The following LSM12 variants were observed in gnomAD, a reference collection of about 807,000 sequenced individuals.
LSM12 encodes the protein protein LSM12.
For missense variants in LSM12, 108 were observed against 238.9 expected, an observed-to-expected ratio of 0.45 and a Z score of 3.61; for synonymous variants, 74 against 87.3, an observed-to-expected ratio of 0.85 and a Z score of 0.85.
In LSM12 at chr17:44,041,588, G is replaced by C. The variant is rs2049495527; in HGVS notation, c.259-1332C>G. Among the ~76,000 whole-genome samples the C allele has an allele frequency of 2.0e-5, 3 of 152,266 alleles. No homozygotes were observed. The South Asian group carries it at 6.2e-4, about 32-fold the overall frequency. Reference sequence around the variant, plus strand: ...GTCCTGCTTTTGAGAAAAACGAAGAGTCTGAATTCTACGTCATGTCTGTTC... The same window carrying C: ...GTCCTGCTTTTGAGAAAAACGAAGACTCTGAATTCTACGTCATGTCTGTTC... On this transcript the variant is annotated intron_variant, in intron 2 of 4. Coordinates refer to ENST00000293406, the MANE Select transcript of LSM12 (RefSeq NM_001371445.1).
intron 1 of LSM12, among the ~76,000 whole-genome samples, chr17:44,065,904 C>T (rs1311083593): frequency 1.3e-5 from 2 of 152,040 alleles, no homozygotes; most frequent in Non-Finnish European, 2.9e-5. Context: ...AAACAAGCCA[C>T]TATCCCTAGC....
chr17:44,061,394 C>CAAA (rs1168266652), intron 2 of LSM12, among the ~76,000 whole-genome samples: 3 of 151,402 alleles, frequency 2.0e-5, no homozygotes, highest in Non-Finnish European at 4.4e-5. Flanking sequence ...AGAAGACACT[C>CAAA]AAAGAGCTCC....
chr17:44,037,965 C>T (rs1390987225), intron 3 of LSM12, among the ~76,000 whole-genome samples: 1 of 152,186 alleles, frequency 6.6e-6, no homozygotes, highest in Non-Finnish European at 1.5e-5. Context: ...ACAAAAGTAG[C>T]ATGGACAATA....
At chr17:44,048,002 G>C (rs1270152672) in intron 2 of LSM12, among the ~76,000 whole-genome samples, 1 of 142,532 alleles carries the variant, frequency 7.0e-6, no homozygotes, top group Non-Finnish European at 1.5e-5. Context: ...GGACAACATA[G>C]ACAGTGTCCG....
In LSM12 at chr17:44,066,620, C is replaced by T. The variant is rs1179572578; in HGVS notation, c.-33G>A. ...GTGCAGCCGCGGCCGGCGGCGGCGGCGGCAGCAGCGGGCGAAAGCCGGGCC... is the reference window on the plus strand; with the variant it reads ...GTGCAGCCGCGGCCGGCGGCGGCGGTGGCAGCAGCGGGCGAAAGCCGGGCC... On this transcript the variant is annotated 5_prime_UTR_variant, in exon 1 of 5. Transcript: ENST00000293406. The T allele has an allele frequency of 6.1e-6, 8 of 1,315,202 alleles. No individual in the cohort carries two copies. The highest frequency in any genetic ancestry group is 7.8e-6 in the Non-Finnish European group (8 of 1,028,874). The allele number at this position is 1,315,202 out of a possible 1,614,324, so 81.5% of individuals were successfully genotyped here.
At chr17:44,041,262 CTCTG>C (rs1285057007) in intron 2 of LSM12, among the ~76,000 whole-genome samples, 2 of 88,952 alleles carry the variant, frequency 2.2e-5, no homozygotes, top group Non-Finnish European at 4.6e-5. Context: ...AGAAGTGAGA[CTCTG>C]TCTCTTTAAA....
In LSM12 at chr17:44,037,452, T is replaced by C; in HGVS notation, c.455A>G (p.Lys152Arg). 6.2e-7 allele frequency: 1 copy of C among 1,610,980 alleles called. No individual in the cohort carries two copies. Among genetic ancestry groups the C allele is most frequent in the South Asian group, 1.1e-5 (1 of 90,390 alleles). The change falls in exon 4 of 5, where the codon AAA becomes AGA. Residue 152 changes from lysine to arginine, a missense_variant. Transcript: ENST00000293406. ...GCTCAGTGCACTCCCCTCTTTGCCT[T>C]TACAGTTTTCCACTTGATATGGGGG... Reference protein sequence around the residue: ...ITPPYQVENCKGKEGSALSHV... With the variant: ...ITPPYQVENCRGKEGSALSHV...
intron 2 of LSM12, among the ~76,000 whole-genome samples, chr17:44,063,128 C>T (rs1049962448): frequency 2.8e-4 from 43 of 152,032 alleles, no homozygotes; most frequent in African/African-American, 7.0e-4. Flanking sequence ...GGCATGGTGA[C>T]GCATGCATGT....
At chr17:44,057,142 TA>T in intron 2 of LSM12, among the ~76,000 whole-genome samples, 1 of 149,462 alleles carries the variant, frequency 6.7e-6, no homozygotes, top group East Asian at 2.1e-4. Context: ...GGCAACAGAG[TA>T]AGACTTTTTT....
intron 2 of LSM12, among the ~76,000 whole-genome samples, chr17:44,042,201 C>A (rs547828342): frequency 1.8e-4 from 27 of 151,802 alleles, no homozygotes; most frequent in Non-Finnish European, 1.5e-4. Flanking sequence ...ACAGGAGAAT[C>A]GCTTGAACAC....
chr17:44,042,789 G>A (rs1039344757), intron 2 of LSM12, among the ~76,000 whole-genome samples: 6 of 151,984 alleles, frequency 3.9e-5, no homozygotes, highest in African/African-American at 1.2e-4. Flanking sequence ...GGATGGTCTC[G>A]ATCTCCTGAC....
chr17:44,053,653 G>A (rs1257389064), intron 2 of LSM12, among the ~76,000 whole-genome samples: 4 of 152,096 alleles, frequency 2.6e-5, no homozygotes, highest in Non-Finnish European at 4.4e-5. Context: ...GTTCCCAGAG[G>A]TCACACATTC....
rs1174076095 is a variant in LSM12, at chr17:44,063,650, A to C, written c.258+151T>G. The C allele has an allele frequency of 4.3e-6, 4 of 939,048 alleles. No individual in the cohort carries two copies. In the African/African-American group the frequency reaches 6.7e-5, roughly 16 times the overall value. 58.2% of individuals were successfully genotyped at this position (939,048 alleles called of 1,614,324 possible). Reference sequence around the variant, plus strand: ...ATAACATCCAGGAATAAAGAGAAAAACTAAACCTACATTTTTTAAAAAGAT... The same window carrying C: ...ATAACATCCAGGAATAAAGAGAAAACCTAAACCTACATTTTTTAAAAAGAT... On this transcript the variant is annotated intron_variant, in intron 2 of 4. Transcript: ENST00000293406.
At chr17:44,051,870 G>C (rs1192794565) in intron 2 of LSM12, among the ~76,000 whole-genome samples, 1 of 152,044 alleles carries the variant, frequency 6.6e-6, no homozygotes, top group Non-Finnish European at 1.5e-5. Context: ...CATTTTGAGA[G>C]GCCGAGGCGG....
intron 2 of LSM12, among the ~76,000 whole-genome samples, chr17:44,046,744 TTTC>T (rs1347049103): frequency 7.2e-6 from 1 of 139,292 alleles, no homozygotes; most frequent in African/African-American, 2.7e-5. Flanking sequence ...GTCAAACTGT[TTTC>T]TTTTTTTTTT....
At chr17:44,043,599 G>C (rs2049524097) in intron 2 of LSM12, among the ~76,000 whole-genome samples, 1 of 145,968 alleles carries the variant, frequency 6.9e-6, no homozygotes, top group Non-Finnish European at 1.5e-5. Context: ...CCAGGCTGGT[G>C]CAGTGGTGCA....
intron 4 of LSM12, 124 bp from the exon 5 acceptor site, chr17:44,036,424 T>C: frequency 7.8e-7 from 1 of 1,280,904 alleles, no homozygotes; most frequent in East Asian, 2.5e-5. Flanking sequence ...CAGGCACCTT[T>C]GCCCTTGCTG....
intron 3 of LSM12, 142 bp from the exon 4 acceptor site, chr17:44,037,680 T>C (rs982953071): frequency 5.1e-6 from 5 of 972,374 alleles, no homozygotes; most frequent in African/African-American, 1.7e-5. Flanking sequence ...GCAGCCCATA[T>C]AGTAGCCAAG....
chr17:44,065,946 C>T (rs1278749929), intron 1 of LSM12, among the ~76,000 whole-genome samples: 1 of 152,094 alleles, frequency 6.6e-6, no homozygotes, highest in Non-Finnish European at 1.5e-5. Context: ...AACTTACTCT[C>T]CCCCAAAACA....
Sources: gnomAD v4.1 joint callset for allele counts (sites outside exome capture counted in the v4.1 genomes callset) on GRCh38, gnomAD v4.1.1 for gene constraint, MANE v1.5 for transcripts, NCBI Gene and HGNC (gene_info 2026-07-23, HGNC 2026-07-21) for gene names.